The following PLAC8L1 variants were observed in gnomAD, a reference collection of about 807,000 sequenced individuals.
The protein encoded by PLAC8L1 is PLAC8 like 1, also known as PLAC8-like protein 1.
PLAC8L1 carries 13 observed loss-of-function variants against 16.3 expected under a neutral mutation model. The ratio of observed to expected loss-of-function variants is 0.80; its 90% CI spans 0.52 to 1.27. PLAC8L1 has a LOEUF of 1.27. PLAC8L1 is among the 50% of genes most tolerant of loss of function. PLAC8L1 has a pLI of 0.00. For missense variants in PLAC8L1, 184 were observed against 220.2 expected (o/e 0.84, Z 1.04); for synonymous variants, 78 against 79.3 (o/e 0.98, Z 0.09).
intron 2 of PLAC8L1, among the ~76,000 whole-genome samples, chr5:146,097,390 A>C (rs1763735493): frequency 6.6e-6 from 1 of 152,224 alleles, no homozygotes; most frequent in Admixed American, 6.5e-5. Context: ...GGAGTACTAC[A>C]TATTCTTCCA....
At chr5:146,092,046 T>C (rs1216229063) in intron 2 of PLAC8L1, among the ~76,000 whole-genome samples, 1 of 152,154 alleles carries the variant, frequency 6.6e-6, no homozygotes, top group Admixed American at 6.5e-5. Context: ...CCCGCATGTG[T>C]GGAATGTTGC....
intron 1 of PLAC8L1, among the ~76,000 whole-genome samples, chr5:146,100,572 C>T (rs1310219638): frequency 6.6e-6 from 1 of 151,856 alleles, no homozygotes; most frequent in African/African-American, 2.4e-5. Context: ...TCTCATTTTG[C>T]AAAAATTCCC....
At chr5:146,099,083 A>G (rs1030634892) in intron 1 of PLAC8L1, among the ~76,000 whole-genome samples, 1 of 152,180 alleles carries the variant, frequency 6.6e-6, no homozygotes, top group Admixed American at 6.5e-5. Context: ...TCTGAGGATG[A>G]AAATCAGTTG....
rs1209015082 is a variant in PLAC8L1, at chr5:146,095,573, A to AT, written c.256+2582dup. On this transcript the variant is annotated intron_variant, in intron 2 of 3. Coordinates refer to ENST00000311450, the MANE Select transcript of PLAC8L1 (RefSeq NM_001029869.3). ...TTTGCTCTCAACATGCTGAAGGATA[A>AT]TTTTTTTTAAATAACAGTAGTATTA... Among the ~76,000 whole-genome samples, 6 of 152,208 alleles carry AT rather than the reference A, an allele frequency of 3.9e-5. No individual in the cohort carries two copies. In the South Asian group the frequency reaches 6.2e-4, roughly 16 times the overall value.
chr5:146,103,761 G>A, intron 1 of PLAC8L1: 1 of 985,278 alleles, frequency 1.0e-6, no homozygotes, highest in Non-Finnish European at 1.2e-6. Context: ...CACATGCCTG[G>A]TTCTTCAGCC....
intron 2 of PLAC8L1, among the ~76,000 whole-genome samples, chr5:146,093,662 G>T (rs766170348): frequency 7.2e-5 from 11 of 152,164 alleles, no homozygotes; most frequent in Non-Finnish European, 1.5e-4. Flanking sequence ...GCTCTGCTGG[G>T]CGTCAGAGCA....
At chr5:146,085,335 T>G in intron 3 of PLAC8L1, 126 bp downstream of exon 3, 1 of 1,021,612 alleles carries the variant, frequency 9.8e-7, no homozygotes, top group Non-Finnish European at 1.4e-6. Flanking sequence ...TCTCAAAGTT[T>G]CCCACTAAGC....
intron 1 of PLAC8L1, among the ~76,000 whole-genome samples, chr5:146,098,597 C>G (rs1763757101): frequency 6.6e-6 from 1 of 152,236 alleles, no homozygotes; most frequent in Non-Finnish European, 1.5e-5. Flanking sequence ...ATCGAGGCCT[C>G]AGTTCAAATC....
In PLAC8L1 at chr5:146,096,658, T is replaced by A. The variant is rs181516395; in HGVS notation, c.256+1498A>T. Among the ~76,000 whole-genome samples the A allele has an allele frequency of 2.0e-3, 302 of 151,438 alleles. 1 individual carries two copies. Among genetic ancestry groups the A allele is most frequent in the Middle Eastern group, 0.017 (5 of 294 alleles). On this transcript the variant is annotated intron_variant, in intron 2 of 3. Transcript: ENST00000311450. ...ACCATATTCCAGGCTTTGCCCTAGT[T>A]AAAAGTGCACTGAAGTTCCCCCAAC...
chr5:146,092,655 C>A (rs1399429608), intron 2 of PLAC8L1, among the ~76,000 whole-genome samples: 1 of 149,662 alleles, frequency 6.7e-6, no homozygotes, highest in East Asian at 2.0e-4. Flanking sequence ...GATTTTCCTG[C>A]TTCAGCATCC....
chr5:146,091,962 C>T (rs1191713661), intron 2 of PLAC8L1, among the ~76,000 whole-genome samples: 1 of 151,736 alleles, frequency 6.6e-6, no homozygotes, highest in East Asian at 1.9e-4. Flanking sequence ...CTTCCTCTTA[C>T]ACCTAAAGGC....
intron 2 of PLAC8L1, among the ~76,000 whole-genome samples, chr5:146,086,319 G>A (rs1012819045): frequency 2.0e-5 from 3 of 152,100 alleles, no homozygotes; most frequent in Admixed American, 6.5e-5. Flanking sequence ...GTGAGCCACC[G>A]CGCCCGGCCG....
chr5:146,093,807 C>G (rs1389287309), intron 2 of PLAC8L1, among the ~76,000 whole-genome samples: 1 of 152,110 alleles, frequency 6.6e-6, no homozygotes, highest in African/African-American at 2.4e-5. Context: ...TTCTGGCTTG[C>G]TTTCTTCTTC....
intron 2 of PLAC8L1, among the ~76,000 whole-genome samples, chr5:146,086,376 G>A (rs975677651): frequency 1.3e-5 from 2 of 152,140 alleles, no homozygotes; most frequent in African/African-American, 4.8e-5. Context: ...TCTTATCAGG[G>A]CTTTATTCTA....
At chr5:146,103,406 A>G (rs1763854575) in intron 1 of PLAC8L1, among the ~76,000 whole-genome samples, 1 of 151,862 alleles carries the variant, frequency 6.6e-6, no homozygotes, top group African/African-American at 2.4e-5. Flanking sequence ...TGATCTGCCC[A>G]CCTCAGCCTC....
At chr5:146,086,498 C>T (rs1233964085) in intron 2 of PLAC8L1, among the ~76,000 whole-genome samples, 4 of 152,170 alleles carry the variant, frequency 2.6e-5, no homozygotes, top group Non-Finnish European at 5.9e-5. Context: ...CAACTGTAAA[C>T]AATTTGTCAT....
chr5:146,100,785 C>A (rs180785901), intron 1 of PLAC8L1, among the ~76,000 whole-genome samples: 30 of 152,050 alleles, frequency 2.0e-4, no homozygotes, highest in Admixed American at 3.3e-4. Flanking sequence ...TGCATCGCAT[C>A]CCCCAAAACG....
chr5:146,094,497 A>T (rs1174387092), intron 2 of PLAC8L1, among the ~76,000 whole-genome samples: 2 of 152,250 alleles, frequency 1.3e-5, no homozygotes, highest in African/African-American at 4.8e-5. Context: ...AACATGGTTG[A>T]ATCATGAGCT....
At chr5:146,087,556 T>C (rs1717763723) in intron 2 of PLAC8L1, among the ~76,000 whole-genome samples, 1 of 152,184 alleles carries the variant, frequency 6.6e-6, no homozygotes, top group Non-Finnish European at 1.5e-5. Context: ...TGTCGCTCTG[T>C]CACTCAGGCT....
Sources: allele counts gnomAD v4.1 joint callset (sites outside exome capture counted in the v4.1 genomes callset), GRCh38; gene constraint gnomAD v4.1.1; transcripts MANE v1.5; gene names NCBI Gene and HGNC (gene_info 2026-07-23, HGNC 2026-07-21).